The following THAP9 variants were observed in gnomAD, a reference collection of about 807,000 sequenced individuals.
THAP9 encodes the protein THAP domain containing 9, also known as DNA transposase THAP9.
A neutral mutation model predicts 35.7 loss-of-function variants in THAP9; 20 were observed. The observed-to-expected ratio is 0.56, with a 90% CI of 0.39 to 0.81. The LOEUF (loss-of-function observed/expected upper bound fraction) is 0.81. THAP9 is among the 40% of genes least tolerant of loss of function. THAP9 has a pLI of 0.00. For missense variants in THAP9, 870 were observed against 1,047.4 expected (o/e 0.83, Z 2.34); for synonymous variants, 335 against 373.7 (o/e 0.90, Z 1.19).
chr4:82,913,025 T>C (rs1052025417), intron 4 of THAP9, among the ~76,000 whole-genome samples: 2 of 152,214 alleles, frequency 1.3e-5, no homozygotes, highest in Non-Finnish European at 2.9e-5. Context: ...CAGTAACTTT[T>C]ACTTCTTTAT....
chr4:82,910,970 C>T (rs1720844735), intron 4 of THAP9, among the ~76,000 whole-genome samples: 1 of 152,082 alleles, frequency 6.6e-6, no homozygotes, highest in Admixed American at 6.6e-5. Flanking sequence ...TGATTGTGGG[C>T]TCTTCCATGG....
intron 1 of THAP9, chr4:82,901,086 T>C: frequency 1.4e-6 from 1 of 726,012 alleles, no homozygotes; most frequent in South Asian, 1.5e-5. Context: ...TGTTTACCTC[T>C]GAATAGCCGG....
In THAP9 at chr4:82,918,532, A is replaced by G. The variant is rs773432950; in HGVS notation, c.2320A>G (p.Ile774Val). 1.9e-6 allele frequency: 3 copies of G among 1,614,164 alleles called. No individual in the cohort carries two copies. The highest frequency in any genetic ancestry group is 2.5e-6 in the Non-Finnish European group (3 of 1,179,990). ...AGAAAGTCTGTGTCGGGTCATAAAT[A>G]TTTGTGAGCGAGTTGTAAGAACCCA... is the stretch of plus-strand genomic sequence containing the variant. The part of the protein sequence containing the change: ...PSESLCRVIN[I>V]CERVVRTHSR... Residue 774 changes from isoleucine (I) to valine (V), a missense_variant, in exon 5 of 5, where the codon ATT becomes GTT. Ile to Val is a conservative substitution (Grantham distance 29). Coordinates refer to ENST00000302236, the MANE Select transcript of THAP9 (RefSeq NM_024672.6).
In THAP9 at chr4:82,904,786, G is replaced by C; in HGVS notation, c.131G>C (p.Arg44Pro). 6.2e-7 allele frequency: 1 copy of C among 1,614,048 alleles called. No homozygotes were observed. Among genetic ancestry groups the C allele is most frequent in the South Asian group, 1.1e-5 (1 of 91,086 alleles). ...TCAAAATGGATCAGGGCTGTTAATC[G>C]TGTGGACCCCAGAAGCAAAAAGATT... is the stretch of plus-strand genomic sequence containing the variant. ...QRSKWIRAVN[R>P]VDPRSKKIWI... is the part of the protein sequence containing the mutation. Residue 44 changes from arginine to proline, a missense_variant, in exon 2 of 5, where the codon CGT becomes CCT. Physicochemically the swap from Arg to Pro is moderately radical, Grantham distance 103 (BLOSUM62 -2). Transcript: ENST00000302236.
intron 2 of THAP9, 101 bp from the exon 3 acceptor site, chr4:82,906,223 C>A: frequency 2.0e-6 from 2 of 986,090 alleles, no homozygotes; most frequent in South Asian, 3.7e-5. Flanking sequence ...AACTAACTCT[C>A]CACAGCAACC....
intron 4 of THAP9, among the ~76,000 whole-genome samples, chr4:82,911,015 T>C (rs112316369): frequency 0.019 from 2,919 of 152,164 alleles, 94 homozygotes; most frequent in African/African-American, 0.065. Context: ...GAAGGGTCTG[T>C]AGGTAGAAAG....
rs747039784 is a variant in THAP9 at position 82,906,504 on chromosome 4, CTT to C, written c.458_459del (p.Leu153HisfsTer19). 4 of 1,613,676 alleles carry C rather than the reference CTT, an allele frequency of 2.5e-6. No individual in the cohort carries two copies. Among genetic ancestry groups the C allele is most frequent in the African/African-American group, 1.3e-5 (1 of 74,902 alleles). ...AATGTTACAAGTGTCCAAAAAAAGACTTATCTCCGTAAAGAACTACAGGATGA... is the reference window on the plus strand; with the variant it reads ...AATGTTACAAGTGTCCAAAAAAAGACATCTCCGTAAAGAACTACAGGATGA... ...QQMLQVSKKR[L>X]ISVKNYRMIK... On this transcript the variant is annotated frameshift_variant, in exon 3 of 5. Transcript: ENST00000302236. LOFTEE classifies it high-confidence loss of function.
rs1408468931 is a variant in THAP9, at chr4:82,907,920, C to T, written c.716C>T (p.Ser239Phe). ...AGAAAGATTCTTAAGCTGCCTCATT[C>T]TTCCATCCTCAGAACGTAAGTGAAT... Reference protein sequence around the residue: ...YVRKILKLPHSSILRTWLSKC... With the variant: ...YVRKILKLPHFSILRTWLSKC... The change falls in exon 4 of 5, where the codon TCT (serine) becomes TTT (phenylalanine). Residue 239 changes from serine to phenylalanine, a missense_variant. By Grantham distance (155) the Ser-to-Phe change is radical (BLOSUM62 -2). Around this residue, in one of 3 missense-constraint regions of THAP9, gnomAD observed 440 missense variants for 501.2 expected, o/e 0.88. Transcript: ENST00000302236. The T allele has an allele frequency of 6.2e-7, 1 of 1,609,452 alleles. No homozygotes were observed. The highest frequency in any genetic ancestry group is 1.7e-5 in the Admixed American group (1 of 59,036).
At position 82,917,708 on chromosome 4, in the gene THAP9, C is replaced by T; in HGVS notation, c.1496C>T (p.Pro499Leu). The stretch of plus-strand genomic sequence containing the variant: ...GAATATTTGTTATCCTTAGACCTGC[C>T]ACCTTTTCAAAACTGTATTGGTACC... ...ALEYLLSLDL[P>L]PFQNCIGTIH... Residue 499 changes from proline to leucine, a missense_variant, in exon 5 of 5, where the codon CCA becomes CTA. Physicochemically the swap from Pro to Leu is moderately conservative, Grantham distance 98. Transcript: ENST00000302236. 1 of 1,613,110 alleles carries T rather than the reference C, an allele frequency of 6.2e-7. No homozygotes were observed. The highest frequency in any genetic ancestry group is 8.5e-7 in the Non-Finnish European group (1 of 1,179,526).
chr4:82,900,853 C>T lies in THAP9; in HGVS notation c.51C>T (p.Leu17=), dbSNP rs1720301036. The T allele has an allele frequency of 2.5e-6, 4 of 1,613,398 alleles. No homozygotes were observed. In the South Asian group the frequency reaches 3.3e-5, roughly 13 times the overall value. ...AVGCSTRDTV[L]SRERGLSFHQ... is the part of the protein sequence containing the mutation. ...GCTGCAGCACCCGTGACACCGTGCT[C>T]AGCCGGGAGCGCGGCCTCTCCTTCC... Residue 17 remains leucine, a synonymous_variant, in exon 1 of 5, where the codon CTC becomes CTT. Transcript: ENST00000302236.
At position 82,918,874 on chromosome 4, in the gene THAP9, A is replaced by G. The variant is rs751450929; in HGVS notation, c.2662A>G (p.Ser888Gly). Reference protein sequence around the residue: ...DYKCSSFANTSSKFRHLLSND... With the variant: ...DYKCSSFANTGSKFRHLLSND... The stretch of plus-strand genomic sequence containing the variant: ...TAAATGTTCAAGTTTTGCTAATACC[A>G]GTAGTAAATTCAGGCATTTGCTAAG... Residue 888 changes from serine (S) to glycine (G), a missense_variant, in exon 5 of 5, where the codon AGT (serine) becomes GGT (glycine). Coordinates refer to ENST00000302236, the MANE Select transcript of THAP9 (RefSeq NM_024672.6). 11 of 1,610,542 alleles carry G rather than the reference A, an allele frequency of 6.8e-6. No individual in the cohort carries two copies. The South Asian group carries it at 1.0e-4, about 15-fold the overall frequency.
chr4:82,914,761 G>A (rs563214490), intron 4 of THAP9, among the ~76,000 whole-genome samples: 1 of 152,240 alleles, frequency 6.6e-6, no homozygotes, highest in African/African-American at 2.4e-5. Context: ...CATTCTGTAG[G>A]ATGTCTGTTT....
Position 82,917,995 on chromosome 4 carries a change from A to G in THAP9, c.1783A>G (p.Lys595Glu). 1.9e-6 allele frequency: 3 copies of G among 1,614,056 alleles called. No homozygotes were observed. Among genetic ancestry groups the G allele is most frequent in the Non-Finnish European group, 2.5e-6 (3 of 1,179,984 alleles). Residue 595 changes from lysine to glutamate, a missense_variant, in exon 5 of 5, where the codon AAG becomes GAG. Coordinates refer to ENST00000302236, the MANE Select transcript of THAP9 (RefSeq NM_024672.6). ...GCTCTACCAAAATTATGTTTTCCCA[A>G]AGGTCATGCCTTTTCCTTATCTTCT... ...KWLYQNYVFP[K>E]VMPFPYLLTY...
rs1415134357 is a variant in THAP9 at position 82,918,968 on chromosome 4, A to G, written c.*44A>G. The G allele has an allele frequency of 2.8e-6, 4 of 1,436,748 alleles. No individual in the cohort carries two copies. The highest frequency in any genetic ancestry group is 1.4e-5 in the African/African-American group (1 of 70,020). 89.0% of individuals were successfully genotyped at this position (1,436,748 alleles called of 1,614,324 possible). On this transcript the variant is annotated 3_prime_UTR_variant, in exon 5 of 5. Transcript: ENST00000302236. The stretch of plus-strand genomic sequence containing the variant: ...ACATTTTAATTAAGAATACTTGATC[A>G]ACATTTTTTGAAGTTCAATTTACCA...
chr4:82,919,190 G>A lies in THAP9; in HGVS notation c.*266G>A, dbSNP rs1721154273. The A allele has an allele frequency of 3.5e-6, 1 of 283,820 alleles. No individual in the cohort carries two copies. The highest frequency in any genetic ancestry group is 7.1e-5 in the South Asian group (1 of 14,086). 17.6% of individuals were successfully genotyped at this position (283,820 alleles called of 1,614,324 possible). ...AGGTACTGTCTTTGAATTTACTACT[G>A]TAAGACTAAGCAGTGTTACTGGACA... On this transcript the variant is annotated 3_prime_UTR_variant, in exon 5 of 5. Transcript: ENST00000302236.
Position 82,919,649 on chromosome 4 carries a change from T to C in THAP9, c.*725T>C, listed in dbSNP as rs1308966661. ...TAATAGGCTGGACACTTAGTTTGAC[T>C]TGAAAGAGCTCAATGCTCATCGGAA... is the stretch of plus-strand genomic sequence containing the variant. On this transcript the variant is annotated 3_prime_UTR_variant, in exon 5 of 5. Transcript: ENST00000302236. 1 of 152,186 alleles carries C rather than the reference T, an allele frequency of 6.6e-6. No homozygotes were observed. The highest frequency in any genetic ancestry group is 1.5e-5 in the Non-Finnish European group (1 of 68,032). The allele number at this position is 152,186 out of a possible 1,614,324, so 9.4% of individuals were successfully genotyped here. A position where few individuals can be genotyped will look rare whatever the true frequency, so the allele number is the denominator to read the frequency against.
intron 4 of THAP9, among the ~76,000 whole-genome samples, chr4:82,911,108 G>A (rs1043067271): frequency 6.6e-6 from 1 of 152,118 alleles, no homozygotes; most frequent in Non-Finnish European, 1.5e-5. Flanking sequence ...ATCCAAGAGA[G>A]AAAAGAAAAT....
intron 2 of THAP9, 143 bp downstream of exon 2, chr4:82,905,074 T>TA (rs1287797688): frequency 9.2e-6 from 6 of 653,948 alleles, no homozygotes; most frequent in African/African-American, 7.3e-5. Flanking sequence ...CTTTGAAAAT[T>TA]TAAAAAAAAA....
chr4:82,902,682 A>G (rs1490954464), intron 1 of THAP9, among the ~76,000 whole-genome samples: 4 of 152,348 alleles, frequency 2.6e-5, no homozygotes, highest in Non-Finnish European at 5.9e-5. Flanking sequence ...GTGAAAAAAG[A>G]TAGATTTGCC....
Sources: allele counts gnomAD v4.1 joint callset (sites outside exome capture counted in the v4.1 genomes callset), GRCh38; gene constraint gnomAD v4.1.1; regional missense constraint gnomAD v4.1.1; transcripts MANE v1.5; gene names NCBI Gene and HGNC (gene_info 2026-07-23, HGNC 2026-07-21).